The following NLGN1 variants were observed in gnomAD, a reference collection of about 807,000 sequenced individuals.
The protein encoded by NLGN1 is neuroligin-1.
In NLGN1, 12 loss-of-function variants were observed where a neutral mutation model predicts 65.5. That is an observed-to-expected ratio of 0.18 (90% CI 0.12 to 0.30). NLGN1 has a LOEUF of 0.30. Among genes scored for constraint, NLGN1 ranks in the 10% least tolerant of loss-of-function variants. The pLI is 1.00. For synonymous variants in NLGN1, 350 were observed against 359.5 expected, an observed-to-expected ratio of 0.97 and a Z score of 0.30; for missense variants, 750 against 1,007.1, an observed-to-expected ratio of 0.74 and a Z score of 3.46.
At chr3:173,918,794 T>C (rs1467247683) in intron 4 of NLGN1, among the ~76,000 whole-genome samples, 1 of 151,286 alleles carries the variant, frequency 6.6e-6, no homozygotes. Context: ...TTGTAACAAA[T>C]TACCACATAT....
At chr3:174,084,923 T>C (rs1486237201) in intron 4 of NLGN1, among the ~76,000 whole-genome samples, 2 of 152,022 alleles carry the variant, frequency 1.3e-5, no homozygotes, top group Admixed American at 1.3e-4. Context: ...TGAACCATAA[T>C]TCTTCTTTTT....
At chr3:174,038,687 T>C (rs958614132) in intron 4 of NLGN1, among the ~76,000 whole-genome samples, 1 of 152,130 alleles carries the variant, frequency 6.6e-6, no homozygotes, top group Non-Finnish European at 1.5e-5. Flanking sequence ...ACACCTTCCT[T>C]CCAAATAGGT....
At chr3:173,779,266 G>T (rs956244525) in intron 3 of NLGN1, among the ~76,000 whole-genome samples, 1 of 149,470 alleles carries the variant, frequency 6.7e-6, no homozygotes, top group African/African-American at 2.5e-5. Flanking sequence ...TTGGCACACA[G>T]TATTGAACAT....
intron 2 of NLGN1, among the ~76,000 whole-genome samples, chr3:173,513,562 G>C (rs1560365875): frequency 6.6e-6 from 1 of 152,088 alleles, no homozygotes; most frequent in Non-Finnish European, 1.5e-5. Context: ...TGATTTTTCT[G>C]TTTGTTCAGC....
chr3:173,714,023 G>A (rs1769428995), intron 3 of NLGN1, among the ~76,000 whole-genome samples: 3 of 151,990 alleles, frequency 2.0e-5, no homozygotes, highest in African/African-American at 7.2e-5. Context: ...TTAAGAAAGA[G>A]GAAAAATAAA....
chr3:173,612,799 A>G (rs1752509435), intron 3 of NLGN1, among the ~76,000 whole-genome samples: 1 of 152,130 alleles, frequency 6.6e-6, no homozygotes, highest in African/African-American at 2.4e-5. Context: ...GAGACTAACA[A>G]GTCTGATATC....
chr3:174,028,011 C>G (rs528006391), intron 4 of NLGN1, among the ~76,000 whole-genome samples: 1 of 152,250 alleles, frequency 6.6e-6, no homozygotes, highest in South Asian at 2.1e-4. Flanking sequence ...TTAGGAGTTC[C>G]ACTGCACAAG....
intron 3 of NLGN1, among the ~76,000 whole-genome samples, chr3:173,699,183 G>A (rs1766722261): frequency 6.6e-6 from 1 of 151,944 alleles, no homozygotes; most frequent in South Asian, 2.1e-4. Context: ...CAAAAATCTA[G>A]GACCTCATCT....
At chr3:173,877,334 GT>G (rs1732327109) in intron 4 of NLGN1, among the ~76,000 whole-genome samples, 1 of 152,046 alleles carries the variant, frequency 6.6e-6, no homozygotes, top group South Asian at 2.1e-4. Context: ...TTGTGGGACG[GT>G]CCATGAAATT....
chr3:173,480,707 T>C (rs1727137180), intron 2 of NLGN1, among the ~76,000 whole-genome samples: 1 of 152,260 alleles, frequency 6.6e-6, no homozygotes, highest in East Asian at 1.9e-4. Context: ...TTTAGCTTTT[T>C]AATTATTCCA....
intron 4 of NLGN1, among the ~76,000 whole-genome samples, chr3:173,820,970 G>T: frequency 6.6e-6 from 1 of 152,238 alleles, no homozygotes; most frequent in African/African-American, 2.4e-5. Context: ...TGAATTACAG[G>T]TGCACAACCA....
chr3:173,883,140 C>A (rs1325766467), intron 4 of NLGN1, among the ~76,000 whole-genome samples: 1 of 150,338 alleles, frequency 6.7e-6, no homozygotes, highest in Non-Finnish European at 1.5e-5. Context: ...GTCTTTCTCA[C>A]TATGTTTAAT....
intron 4 of NLGN1, 93 bp downstream of exon 4, chr3:173,807,925 AC>A: frequency 7.5e-7 from 1 of 1,332,930 alleles, no homozygotes; most frequent in Non-Finnish European, 1.1e-6. Context: ...GCTTTGTTTC[AC>A]CCATTTTTTT....
intron 3 of NLGN1, among the ~76,000 whole-genome samples, chr3:173,749,230 CCA>C (rs1343628583): frequency 2.6e-5 from 4 of 151,938 alleles, no homozygotes; most frequent in African/African-American, 9.7e-5. Context: ...TAGCATAAAG[CCA>C]CAGTTTAAAA....
At chr3:173,909,206 G>A (rs1226383297) in intron 4 of NLGN1, among the ~76,000 whole-genome samples, 1 of 152,028 alleles carries the variant, frequency 6.6e-6, no homozygotes, top group African/African-American at 2.4e-5. Context: ...ATTTGGTTTC[G>A]GGGGAGGTTC....
intron 2 of NLGN1, among the ~76,000 whole-genome samples, chr3:173,448,538 C>T (rs540185699): frequency 2.0e-5 from 3 of 152,206 alleles, no homozygotes; most frequent in East Asian, 1.9e-4. Context: ...TTGGTTGTGT[C>T]TCTGCCAGGC....
intron 2 of NLGN1, among the ~76,000 whole-genome samples, chr3:173,519,982 C>G (rs1734490909): frequency 6.6e-6 from 1 of 152,242 alleles, no homozygotes; most frequent in East Asian, 1.9e-4. Context: ...ACGGAGTTAT[C>G]ATGAATGGTT....
At chr3:174,210,946 C>G (rs4894658) in intron 4 of NLGN1, among the ~76,000 whole-genome samples, 112,068 of 152,090 alleles carry the variant, frequency 0.74, 41,356 homozygotes, top group East Asian at 0.8. Flanking sequence ...TGGGTTCTTG[C>G]TCTCACTGAC....
At chr3:173,800,675 A>G (rs182511891) in intron 3 of NLGN1, among the ~76,000 whole-genome samples, 21 of 151,644 alleles carry the variant, frequency 1.4e-4, no homozygotes, top group Non-Finnish European at 1.3e-4. Context: ...TGAACTAACA[A>G]TCTCTCCCTT....
Sources: allele counts gnomAD v4.1 joint callset (sites outside exome capture counted in the v4.1 genomes callset), GRCh38; gene constraint gnomAD v4.1.1; transcripts MANE v1.5; gene names NCBI Gene and HGNC (gene_info 2026-07-23, HGNC 2026-07-21).